ZNF385B: variants seen among roughly 807,000 people sequenced by gnomAD.
ZNF385B encodes the protein zinc finger protein 533.
A neutral mutation model predicts 39.2 loss-of-function variants in ZNF385B; 23 were observed. The observed-to-expected ratio is 0.59, with a 90% CI of 0.42 to 0.83. The LOEUF is 0.83. Ranked by LOEUF, ZNF385B falls within the 40% of genes least tolerant of loss-of-function variation. ZNF385B has a pLI of 0.00. For synonymous variants in ZNF385B, 205 were observed against 222.6 expected (o/e 0.92, Z 0.70); for missense variants, 552 against 598.9 (o/e 0.92, Z 0.82).
chr2:179,510,298 CTAT>C (rs1363452269), intron 5 of ZNF385B, among the ~76,000 whole-genome samples: 20 of 13,388 alleles, frequency 1.5e-3, no homozygotes, highest in Admixed American at 3.8e-3. Context: ...TGTGAAGCTG[CTAT>C]CTATCTTAAG....
At chr2:179,503,810 T>A (rs1332050855) in intron 5 of ZNF385B, among the ~76,000 whole-genome samples, 1 of 151,560 alleles carries the variant, frequency 6.6e-6, no homozygotes, top group Non-Finnish European at 1.5e-5. Context: ...CATGAACTCA[T>A]CATTTTTTAT....
intron 3 of ZNF385B, among the ~76,000 whole-genome samples, chr2:179,610,018 T>C (rs996459188): frequency 3.9e-5 from 6 of 152,218 alleles, no homozygotes; most frequent in Non-Finnish European, 8.8e-5. Context: ...GGTAATCTCC[T>C]CACCTTGTTG....
At chr2:179,830,850 A>G (rs575978476) in intron 1 of ZNF385B, among the ~76,000 whole-genome samples, 1 of 152,332 alleles carries the variant, frequency 6.6e-6, no homozygotes, top group South Asian at 2.1e-4. Flanking sequence ...ATTAATGCAA[A>G]CAAGGGCCTT....
At chr2:179,840,181 C>G (rs1489497058) in intron 1 of ZNF385B, among the ~76,000 whole-genome samples, 1 of 152,222 alleles carries the variant, frequency 6.6e-6, no homozygotes, top group Non-Finnish European at 1.5e-5. Flanking sequence ...TCACACAGGA[C>G]AGGAACAGAT....
intron 1 of ZNF385B, among the ~76,000 whole-genome samples, chr2:179,786,139 A>T (rs1038606834): frequency 7.2e-5 from 11 of 152,156 alleles, no homozygotes; most frequent in Admixed American, 2.0e-4. Flanking sequence ...AGCATTTTGT[A>T]GCAATATTTT....
In ZNF385B at chr2:179,861,446, C is replaced by A. The variant is rs1209768771; in HGVS notation, c.-500G>T. 3.3e-5 allele frequency: 5 copies of A among 151,446 alleles called. No homozygotes were observed. The highest frequency in any genetic ancestry group is 7.4e-5 in the Non-Finnish European group (5 of 67,870). The allele number at this position is 151,446 out of a possible 1,614,324, so 9.4% of individuals were successfully genotyped here. ...GCCCGCTGGGCGCGCCCGGCCCGGC[C>A]CGGCCCCGCCGCACGCCCGCCCCCC... On this transcript the variant is annotated 5_prime_UTR_variant, in exon 1 of 10. Coordinates refer to ENST00000410066, the MANE Select transcript of ZNF385B (RefSeq NM_152520.6).
chr2:179,684,683 T>C (rs1477141374), intron 3 of ZNF385B, among the ~76,000 whole-genome samples: 1 of 152,198 alleles, frequency 6.6e-6, no homozygotes, highest in Non-Finnish European at 1.5e-5. Context: ...TCAATATTCC[T>C]AACATCGTGA....
At chr2:179,751,096 T>C (rs934829424) in intron 3 of ZNF385B, among the ~76,000 whole-genome samples, 7 of 152,056 alleles carry the variant, frequency 4.6e-5, no homozygotes, top group South Asian at 2.1e-4. Flanking sequence ...ACAATATTAA[T>C]ATATTTAAGT....
intron 4 of ZNF385B, among the ~76,000 whole-genome samples, chr2:179,540,577 A>G (rs2059858305): frequency 6.6e-6 from 1 of 152,198 alleles, no homozygotes; most frequent in South Asian, 2.1e-4. Context: ...GGGACTCATA[A>G]ATGTTATTAT....
rs529771947 is a variant in ZNF385B, at chr2:179,555,878, G to A, written c.299-10909C>T. On this transcript the variant is annotated intron_variant, in intron 3 of 9. Transcript: ENST00000410066. ...CTCAGGGTTCTCCCTAAAGAGCTCCGACAGCAGCCACCATGGCAGCAGCCT... is the reference window on the plus strand; with the variant it reads ...CTCAGGGTTCTCCCTAAAGAGCTCCAACAGCAGCCACCATGGCAGCAGCCT... Among the ~76,000 whole-genome samples, 156 of 148,910 alleles carry A rather than the reference G, an allele frequency of 1.0e-3. 8 individuals are homozygous for A. The highest frequency in any genetic ancestry group is 2.6e-3 in the Admixed American group (39 of 15,012).
At chr2:179,541,857 G>T (rs2059937796) in intron 4 of ZNF385B, among the ~76,000 whole-genome samples, 1 of 152,128 alleles carries the variant, frequency 6.6e-6, no homozygotes, top group South Asian at 2.1e-4. Context: ...GAATGAGGTG[G>T]AAGGTGATAT....
intron 3 of ZNF385B, among the ~76,000 whole-genome samples, chr2:179,584,971 G>T (rs1004131813): frequency 6.6e-6 from 1 of 152,098 alleles, no homozygotes; most frequent in African/African-American, 2.4e-5. Flanking sequence ...AATGAGGAGA[G>T]TTTCATAACA....
At chr2:179,728,173 T>C (rs1701144146) in intron 3 of ZNF385B, among the ~76,000 whole-genome samples, 1 of 152,140 alleles carries the variant, frequency 6.6e-6, no homozygotes, top group African/African-American at 2.4e-5. Context: ...ATCTCAATAA[T>C]AATCTCCATA....
intron 3 of ZNF385B, among the ~76,000 whole-genome samples, chr2:179,699,898 G>A (rs1449190825): frequency 1.1e-4 from 17 of 152,142 alleles, no homozygotes; most frequent in Admixed American, 1.1e-3. Flanking sequence ...GCTCATAAAT[G>A]TCAGATTGTT....
At chr2:179,617,364 A>C (rs1288197218) in intron 3 of ZNF385B, among the ~76,000 whole-genome samples, 1 of 152,210 alleles carries the variant, frequency 6.6e-6, no homozygotes, top group Non-Finnish European at 1.5e-5. Flanking sequence ...TTTCAAAGGA[A>C]GAATAGTGTG....
intron 5 of ZNF385B, among the ~76,000 whole-genome samples, chr2:179,493,362 T>C (rs1246712083): frequency 3.8e-5 from 5 of 132,884 alleles, no homozygotes; most frequent in African/African-American, 5.1e-5. Flanking sequence ...TATATATATA[T>C]GTAGGTTTGT....
intron 1 of ZNF385B, among the ~76,000 whole-genome samples, chr2:179,802,168 T>C (rs1706074760): frequency 6.6e-6 from 1 of 152,164 alleles, no homozygotes; most frequent in Non-Finnish European, 1.5e-5. Context: ...GCTAACCAGA[T>C]CTCTTTATAT....
intron 6 of ZNF385B, among the ~76,000 whole-genome samples, chr2:179,480,696 CCTT>C (rs745914113): frequency 3.7e-5 from 5 of 136,638 alleles, no homozygotes; most frequent in Admixed American, 1.4e-4. Flanking sequence ...CAAATGCACT[CCTT>C]TTTTTTTTTT....
At chr2:179,708,472 CCTT>C (rs1373062828) in intron 3 of ZNF385B, among the ~76,000 whole-genome samples, 7 of 152,290 alleles carry the variant, frequency 4.6e-5, no homozygotes, top group Admixed American at 4.6e-4. Flanking sequence ...CACATGGTGA[CCTT>C]CATCATCAGT....
Sources: allele counts gnomAD v4.1 joint callset (sites outside exome capture counted in the v4.1 genomes callset), GRCh38; gene constraint gnomAD v4.1.1; transcripts MANE v1.5; gene names NCBI Gene and HGNC (gene_info 2026-07-23, HGNC 2026-07-21).